The following PTPRD variants were observed in gnomAD, a reference collection of about 807,000 sequenced individuals.
The protein encoded by PTPRD is receptor-type tyrosine-protein phosphatase delta.
PTPRD carries 34 observed loss-of-function variants against 214.5 expected under a neutral mutation model. That is an observed-to-expected ratio of 0.16 (90% CI 0.12 to 0.21). The LOEUF is 0.21. PTPRD is among the 10% of genes least tolerant of loss of function. The pLI, the probability that PTPRD is intolerant of heterozygous loss-of-function variation, is 1.00. For missense variants in PTPRD, 2,545 were observed against 2,398.7 expected, an observed-to-expected ratio of 1.06 and a Z score of -1.27; for synonymous variants, 1,128 against 845.7, an observed-to-expected ratio of 1.33 and a Z score of -5.79.
At chr9:9,594,295 T>C (rs1222053783) in intron 7 of PTPRD, among the ~76,000 whole-genome samples, 2 of 152,058 alleles carry the variant, frequency 1.3e-5, no homozygotes, top group African/African-American at 2.4e-5. Flanking sequence ...TTACTATTTA[T>C]CTTTGTTCTT....
intron 3 of PTPRD, among the ~76,000 whole-genome samples, chr9:10,277,628 C>G (rs898690236): frequency 6.6e-6 from 1 of 152,128 alleles, no homozygotes; most frequent in Non-Finnish European, 1.5e-5. Flanking sequence ...GGTTAACTTT[C>G]CTGATTCTTG....
At chr9:8,765,181 T>C (rs2094637927) in intron 11 of PTPRD, among the ~76,000 whole-genome samples, 1 of 152,228 alleles carries the variant, frequency 6.6e-6, no homozygotes, top group Non-Finnish European at 1.5e-5. Context: ...TAAAGATATG[T>C]ACACAAATTA....
intron 8 of PTPRD, among the ~76,000 whole-genome samples, chr9:9,449,864 G>T (rs1219956995): frequency 1.3e-5 from 2 of 151,732 alleles, no homozygotes; most frequent in East Asian, 3.9e-4. Context: ...TACAATGTGT[G>T]GTCTTTTATC....
At chr9:9,759,330 C>G (rs997608479) in intron 6 of PTPRD, among the ~76,000 whole-genome samples, 1 of 152,128 alleles carries the variant, frequency 6.6e-6, no homozygotes, top group African/African-American at 2.4e-5. Context: ...ACCCCAGCCC[C>G]TAGTGCTCTG....
At chr9:8,480,087 T>C (rs1254666597) in intron 30 of PTPRD, among the ~76,000 whole-genome samples, 1 of 152,206 alleles carries the variant, frequency 6.6e-6, no homozygotes, top group Non-Finnish European at 1.5e-5. Context: ...GGACTTAATC[T>C]CAGTCATCTT....
intron 11 of PTPRD, among the ~76,000 whole-genome samples, chr9:8,805,469 C>T (rs1006586758): frequency 6.6e-6 from 1 of 151,068 alleles, no homozygotes; most frequent in Non-Finnish European, 1.5e-5. Flanking sequence ...CAGTGGCTTG[C>T]CAATTTTGGA....
intron 7 of PTPRD, among the ~76,000 whole-genome samples, chr9:9,620,119 C>T (rs560378874): frequency 1.3e-5 from 2 of 152,120 alleles, no homozygotes; most frequent in Admixed American, 6.5e-5. Context: ...GATTCATAAA[C>T]CCATGTTTTG....
intron 7 of PTPRD, among the ~76,000 whole-genome samples, chr9:9,612,057 A>C (rs1360663391): frequency 2.0e-5 from 3 of 152,124 alleles, no homozygotes; most frequent in African/African-American, 7.2e-5. Context: ...GAGAGACATA[A>C]TTTATCTGCT....
intron 3 of PTPRD, among the ~76,000 whole-genome samples, chr9:10,154,590 T>C (rs1674660981): frequency 6.6e-6 from 1 of 152,150 alleles, no homozygotes; most frequent in Non-Finnish European, 1.5e-5. Flanking sequence ...GTTTTTATAA[T>C]TTTGGGTTTT....
At chr9:9,995,636 T>C (rs925610779) in intron 4 of PTPRD, among the ~76,000 whole-genome samples, 12 of 152,150 alleles carry the variant, frequency 7.9e-5, no homozygotes, top group African/African-American at 2.9e-4. Flanking sequence ...CCTCCTGTTT[T>C]GCTCTTAGGC....
At chr9:9,293,831 T>A (rs540676111) in intron 9 of PTPRD, among the ~76,000 whole-genome samples, 1 of 151,658 alleles carries the variant, frequency 6.6e-6, no homozygotes, top group Non-Finnish European at 1.5e-5. Context: ...GGTACAACAG[T>A]AAAATTAACA....
intron 8 of PTPRD, among the ~76,000 whole-genome samples, chr9:9,512,203 G>A (rs548646760): frequency 6.6e-6 from 1 of 151,894 alleles, no homozygotes; most frequent in South Asian, 2.1e-4. Flanking sequence ...GTAATTACAT[G>A]ATTAGCGATT....
chr9:10,483,548 A>T (rs2099113901), intron 2 of PTPRD, among the ~76,000 whole-genome samples: 1 of 152,144 alleles, frequency 6.6e-6, no homozygotes, highest in Non-Finnish European at 1.5e-5. Flanking sequence ...ACTAATATCC[A>T]GCATCCACAA....
chr9:10,606,844 A>T (rs1363592525), intron 2 of PTPRD, among the ~76,000 whole-genome samples: 4 of 151,970 alleles, frequency 2.6e-5, no homozygotes, highest in African/African-American at 4.8e-5. Flanking sequence ...AACTTTGGAC[A>T]GTTTGTAAAA....
At chr9:9,369,198 T>G (rs1370801660) in intron 9 of PTPRD, among the ~76,000 whole-genome samples, 1 of 152,128 alleles carries the variant, frequency 6.6e-6, no homozygotes, top group Non-Finnish European at 1.5e-5. Flanking sequence ...TCTTCCACAA[T>G]GGTTGAACTA....
intron 39 of PTPRD, among the ~76,000 whole-genome samples, chr9:8,373,876 A>G (rs28429323): frequency 0.11 from 3,551 of 31,206 alleles, 74 homozygotes; most frequent in African/African-American, 0.15. Flanking sequence ...CTATCTATCT[A>G]TCTATCTATC....
rs527589722 is a variant in PTPRD, at chr9:8,335,951, G to T, written c.5379+2971C>A. Among the ~76,000 whole-genome samples, 32 of 152,226 alleles carry T rather than the reference G, an allele frequency of 2.1e-4. No homozygotes were observed. In the East Asian group the frequency reaches 3.7e-3, roughly 17 times the overall value. On this transcript the variant is annotated intron_variant, in intron 43 of 45. Transcript: ENST00000381196. ...AGGAGAACTGCAAACCACTGCTCAA[G>T]GAAATAAGAGAGGACACAAATGGAA...
At chr9:10,543,493 C>CACACACAT (rs2059578325) in intron 2 of PTPRD, among the ~76,000 whole-genome samples, 1 of 151,254 alleles carries the variant, frequency 6.6e-6, no homozygotes, top group Non-Finnish European at 1.5e-5. Context: ...CACACACACA[C>CACACACAT]ACACACACAC....
At chr9:10,260,283 C>T (rs181059561) in intron 3 of PTPRD, among the ~76,000 whole-genome samples, 297 of 152,226 alleles carry the variant, frequency 2.0e-3, no homozygotes, top group Non-Finnish European at 3.0e-3. Context: ...AGTTTCAGAA[C>T]CTTACCCGGC....
Sources: gnomAD v4.1 joint callset for allele counts (sites outside exome capture counted in the v4.1 genomes callset) on GRCh38, gnomAD v4.1.1 for gene constraint, MANE v1.5 for transcripts, NCBI Gene and HGNC (gene_info 2026-07-23, HGNC 2026-07-21) for gene names.